The following MXI1 variants were observed in gnomAD, a reference collection of about 807,000 sequenced individuals.
The protein encoded by MXI1 is max-interacting protein 1.
Under a neutral mutation model 36.9 loss-of-function variants are expected in MXI1, and 18 were observed. The ratio of observed to expected loss-of-function variants is 0.49; its 90% CI spans 0.34 to 0.72. MXI1 has a LOEUF of 0.72. MXI1 is among the 30% of genes least tolerant of loss of function. The pLI is 0.01. For missense variants in MXI1, 304 were observed against 379.1 expected, an observed-to-expected ratio of 0.80 and a Z score of 1.64; for synonymous variants, 160 against 146.7, an observed-to-expected ratio of 1.09 and a Z score of -0.65.
rs1854400021 is a variant in MXI1 at position 110,207,820 on chromosome 10, C to T, written c.12C>T (p.Arg4=). 2 of 1,117,446 alleles carry T rather than the reference C, an allele frequency of 1.8e-6. No homozygotes were observed. The highest frequency in any genetic ancestry group is 2.2e-6 in the Non-Finnish European group (2 of 915,080). 69.2% of individuals were successfully genotyped at this position (1,117,446 alleles called of 1,614,324 possible). The change falls in exon 1 of 6, where the codon CGC becomes CGT. Residue 4 remains arginine (R), a synonymous_variant. Transcript: ENST00000332674. MGK[R]GRPRKEARCE... is the part of the protein sequence containing the mutation. ...ACCCCCGCTCCTCCATGGGCAAACGCGGGCGGCCGCGCAAGGAGGCGCGCT... is the reference window on the plus strand; with the variant it reads ...ACCCCCGCTCCTCCATGGGCAAACGTGGGCGGCCGCGCAAGGAGGCGCGCT...
At chr10:110,252,122 A>C (rs1856115162) in intron 3 of MXI1, among the ~76,000 whole-genome samples, 1 of 151,986 alleles carries the variant, frequency 6.6e-6, no homozygotes, top group Non-Finnish European at 1.5e-5. Context: ...CACTCAGGTG[A>C]TAGAATTGGG....
At chr10:110,229,118 G>A (rs1855167775) in intron 2 of MXI1, among the ~76,000 whole-genome samples, 1 of 152,200 alleles carries the variant, frequency 6.6e-6, no homozygotes, top group Non-Finnish European at 1.5e-5. Context: ...CTTTTGAGTA[G>A]TATGTGGCTA....
intron 1 of MXI1, among the ~76,000 whole-genome samples, chr10:110,221,219 A>C (rs1854798943): frequency 2.0e-5 from 3 of 152,232 alleles, no homozygotes; most frequent in African/African-American, 7.2e-5. Flanking sequence ...CACGGGTTTA[A>C]AAAAGCCTGA....
intron 1 of MXI1, among the ~76,000 whole-genome samples, chr10:110,224,091 A>C (rs918087371): frequency 6.6e-6 from 1 of 152,218 alleles, no homozygotes; most frequent in South Asian, 2.1e-4. Flanking sequence ...CATGAAGCCG[A>C]TAACATTTTT....
chr10:110,248,839 TTAAAA>T (rs1855965818), intron 3 of MXI1, among the ~76,000 whole-genome samples: 1 of 152,184 alleles, frequency 6.6e-6, no homozygotes, highest in South Asian at 2.1e-4. Context: ...ATATTTGTTT[TTAAAA>T]GGGATTTTTA....
At chr10:110,269,697 G>A (rs1011488291) in intron 3 of MXI1, among the ~76,000 whole-genome samples, 1 of 152,178 alleles carries the variant, frequency 6.6e-6, no homozygotes, top group Non-Finnish European at 1.5e-5. Context: ...CAGCACGTAG[G>A]AAGTTTGTTT....
rs763227867 is a variant in MXI1 at position 110,280,091 on chromosome 10, C to G, written c.724+6C>G. On this transcript the variant is annotated splice_donor_region_variant and intron_variant, in intron 5 of 5. Coordinates refer to ENST00000332674, the MANE Select transcript of MXI1 (RefSeq NM_130439.3). The stretch of plus-strand genomic sequence containing the variant: ...TCGTTCTGATTCAGAGCGAGGTAGG[C>G]AGCTTGCCTCTTCTCTAATGAAATA... 2.5e-6 allele frequency: 4 copies of G among 1,570,536 alleles called. No homozygotes were observed. The highest frequency in any genetic ancestry group is 3.5e-6 in the Non-Finnish European group (4 of 1,159,368).
intron 3 of MXI1, chr10:110,257,633 CAT>C (rs563826881): frequency 1.9e-4 from 30 of 158,550 alleles, no homozygotes; most frequent in East Asian, 3.7e-4. Flanking sequence ...AGAGAATTAA[CAT>C]GTGTATTGAG....
chr10:110,210,277 G>T, intron 1 of MXI1: 2 of 985,084 alleles, frequency 2.0e-6, no homozygotes, highest in Non-Finnish European at 2.4e-6. Context: ...CCCCGAGAGG[G>T]GTTTGGAACC....
At chr10:110,284,228 T>C (rs1272574698) in intron 5 of MXI1, among the ~76,000 whole-genome samples, 1 of 152,138 alleles carries the variant, frequency 6.6e-6, no homozygotes, top group Admixed American at 6.5e-5. Flanking sequence ...CAGGCCCTTA[T>C]TTCAAGCTAT....
At chr10:110,231,200 C>T (rs1275799069) in intron 2 of MXI1, among the ~76,000 whole-genome samples, 2 of 152,122 alleles carry the variant, frequency 1.3e-5, no homozygotes, top group Non-Finnish European at 2.9e-5. Flanking sequence ...AACCCTGTCT[C>T]TACTAAAAAT....
intron 1 of MXI1, among the ~76,000 whole-genome samples, chr10:110,215,026 C>T (rs1319986482): frequency 1.6e-5 from 2 of 127,740 alleles, no homozygotes; most frequent in East Asian, 2.8e-4. Flanking sequence ...TTCTGCTCCA[C>T]TTCAGTTTTT....
Position 110,228,300 on chromosome 10 carries a change from G to T in MXI1, c.386G>T (p.Ser129Ile). 2 of 1,614,174 alleles carry T rather than the reference G, an allele frequency of 1.2e-6. No individual in the cohort carries two copies. Among genetic ancestry groups the T allele is most frequent in the Non-Finnish European group, 1.7e-6 (2 of 1,180,036 alleles). Reference protein sequence around the residue: ...SRAQKHSSGSSNTSTANRSTH... With the variant: ...SRAQKHSSGSINTSTANRSTH... ...GCACAGAAACACAGCAGCGGGAGCA[G>T]CAACACCAGCACTGCCAACAGGTAG... Residue 129 changes from serine to isoleucine, a missense_variant, in exon 2 of 6, where the codon AGC (serine) becomes ATC (isoleucine). Physicochemically the swap from Ser to Ile is moderately radical, Grantham distance 142. Around this residue, in one of 2 missense-constraint regions of MXI1, gnomAD observed 179 missense variants for 184.8 expected, o/e 0.97. Transcript: ENST00000332674.
At position 110,279,953 on chromosome 10, in the gene MXI1, G is replaced by A. The variant is rs775965944; in HGVS notation, c.592G>A (p.Glu198Lys). The stretch of plus-strand genomic sequence containing the variant: ...TGAAAGAAAAAGCCAGCACCAGCTC[G>A]AGAATTTGGAACGAGAACAGAGATT... ...EAERKSQHQL[E>K]NLEREQRFLK... The change falls in exon 5 of 6, where the codon GAG (glutamate) becomes AAG (lysine). Residue 198 changes from glutamate to lysine, a missense_variant. By Grantham distance (56) the Glu-to-Lys change is moderately conservative (BLOSUM62 1). Coordinates refer to ENST00000332674, the MANE Select transcript of MXI1 (RefSeq NM_130439.3). The A allele has an allele frequency of 1.6e-5, 25 of 1,611,540 alleles. No individual in the cohort carries two copies. The highest frequency in any genetic ancestry group is 3.4e-5 in the Admixed American group (2 of 59,364).
At chr10:110,227,428 G>A (rs1361931364) in intron 1 of MXI1, 32 of 989,460 alleles carry the variant, frequency 3.2e-5, no homozygotes, top group Admixed American at 6.1e-5. Context: ...GGGTGGGGCT[G>A]TGGGTGTGCG....
At chr10:110,284,766 T>C (rs1013971010) in intron 5 of MXI1, 58 bp from the exon 6 acceptor site, 6 of 1,480,658 alleles carry the variant, frequency 4.1e-6, no homozygotes, top group Non-Finnish European at 5.4e-6. Flanking sequence ...CTGTTAGTTT[T>C]TGAAGGTGCG....
At chr10:110,238,797 A>G (rs924398070) in intron 2 of MXI1, among the ~76,000 whole-genome samples, 1 of 152,154 alleles carries the variant, frequency 6.6e-6, no homozygotes, top group Non-Finnish European at 1.5e-5. Context: ...GATCATTTGT[A>G]TCTTTCAAGA....
chr10:110,209,577 T>C (rs1191826976), intron 1 of MXI1, among the ~76,000 whole-genome samples: 1 of 152,192 alleles, frequency 6.6e-6, no homozygotes, highest in African/African-American at 2.4e-5. Context: ...TTCTCGCCTG[T>C]TTTCCCGGAG....
At chr10:110,278,515 G>A (rs1052546469) in intron 3 of MXI1, among the ~76,000 whole-genome samples, 2 of 152,136 alleles carry the variant, frequency 1.3e-5, no homozygotes, top group African/African-American at 4.8e-5. Context: ...TGACCACAGG[G>A]CATATATTTT....
Sources: allele counts gnomAD v4.1 joint callset (sites outside exome capture counted in the v4.1 genomes callset), GRCh38; gene constraint gnomAD v4.1.1; regional missense constraint gnomAD v4.1.1; transcripts MANE v1.5; gene names NCBI Gene and HGNC (gene_info 2026-07-23, HGNC 2026-07-21).